The following AGMO variants were observed in gnomAD, a reference collection of about 807,000 sequenced individuals.
AGMO encodes alkylglycerol monooxygenase, also known as glyceryl-ether monooxygenase.
AGMO carries 75 observed loss-of-function variants against 60.2 expected under a neutral mutation model. The ratio of observed to expected loss-of-function variants is 1.25; its 90% CI spans 1.03 to 1.51. The LOEUF is 1.51. AGMO is among the 40% of genes most tolerant of loss of function. The probability of loss-of-function intolerance (pLI) is 0.00; values close to 1 mark genes in which losing one functional copy is unlikely to be tolerated. For missense variants in AGMO, 763 were observed against 525.5 expected, an observed-to-expected ratio of 1.45 and a Z score of -4.42; for synonymous variants, 261 against 177.1, an observed-to-expected ratio of 1.47 and a Z score of -3.76.
intron 10 of AGMO, among the ~76,000 whole-genome samples, chr7:15,384,933 G>C (rs539774283): frequency 6.8e-6 from 1 of 146,842 alleles, no homozygotes; most frequent in African/African-American, 2.5e-5. Flanking sequence ...GATCCCCAAA[G>C]TGGCGATCCC....
At chr7:15,190,773 G>T in the AGMO span, among the ~76,000 whole-genome samples, 1 of 151,982 alleles carries the variant, frequency 6.6e-6, no homozygotes, top group Non-Finnish European at 1.5e-5. Context: ...AAGTAATTTG[G>T]ATTAACTGAT....
intron 12 of AGMO, among the ~76,000 whole-genome samples, chr7:15,249,974 C>A (rs1782884190): frequency 1.3e-5 from 2 of 152,126 alleles, no homozygotes; most frequent in Admixed American, 6.5e-5. Context: ...GATAAACAGT[C>A]TTTTCACAAG....
At chr7:15,160,714 T>A in the AGMO span, among the ~76,000 whole-genome samples, 4 of 152,206 alleles carry the variant, frequency 2.6e-5, no homozygotes, top group African/African-American at 9.6e-5. Context: ...CCTACTTTGA[T>A]GGTTAATTTC....
intron 12 of AGMO, among the ~76,000 whole-genome samples, chr7:15,354,830 A>G (rs927911638): frequency 8.6e-5 from 13 of 151,128 alleles, no homozygotes; most frequent in African/African-American, 3.1e-4. Flanking sequence ...ATTCACGAGA[A>G]TTTGTTTTCT....
At chr7:15,247,792 T>C (rs933831551) in intron 12 of AGMO, among the ~76,000 whole-genome samples, 4 of 152,008 alleles carry the variant, frequency 2.6e-5, no homozygotes, top group Non-Finnish European at 5.9e-5. Flanking sequence ...AATTTCCATA[T>C]ACACCAAACC....
At chr7:15,444,718 T>G (rs1195400242) in intron 3 of AGMO, among the ~76,000 whole-genome samples, 3 of 152,176 alleles carry the variant, frequency 2.0e-5, no homozygotes, top group African/African-American at 7.2e-5. Flanking sequence ...ACTCTGCTGG[T>G]TTTTCATGGT....
At chr7:15,366,098 A>G (rs1324303736) in intron 11 of AGMO, 42 bp downstream of exon 11, 1 of 1,476,538 alleles carries the variant, frequency 6.8e-7, no homozygotes, top group South Asian at 1.2e-5. Context: ...AAATTCTTGA[A>G]TTGAGTAAAA....
intron 3 of AGMO, among the ~76,000 whole-genome samples, chr7:15,444,774 T>G (rs1036436111): frequency 6.6e-6 from 1 of 152,210 alleles, no homozygotes; most frequent in Non-Finnish European, 1.5e-5. Context: ...ATCCAAAAGT[T>G]GATGGCTCCC....
At chr7:15,490,672 C>A (rs1783046311) in intron 3 of AGMO, among the ~76,000 whole-genome samples, 1 of 151,998 alleles carries the variant, frequency 6.6e-6, no homozygotes, top group African/African-American at 2.4e-5. Context: ...CTGCAAGGAA[C>A]ATTTTAGTAA....
chr7:15,153,576 C>A, the AGMO span, among the ~76,000 whole-genome samples: 3 of 152,144 alleles, frequency 2.0e-5, no homozygotes, highest in African/African-American at 7.2e-5. Context: ...TCAATTATCC[C>A]AGCACCATTT....
chr7:15,158,418 CT>C, the AGMO span, among the ~76,000 whole-genome samples: 1 of 152,088 alleles, frequency 6.6e-6, no homozygotes, highest in Non-Finnish European at 1.5e-5. Flanking sequence ...CAGGGAAACA[CT>C]TTTTAAAAGG....
the AGMO span, among the ~76,000 whole-genome samples, chr7:15,177,973 C>G: frequency 6.6e-6 from 1 of 151,936 alleles, no homozygotes; most frequent in Non-Finnish European, 1.5e-5. Context: ...ATTATATATC[C>G]CAATAAATAG....
intron 4 of AGMO, among the ~76,000 whole-genome samples, chr7:15,430,300 G>A (rs556769479): frequency 3.4e-4 from 51 of 151,752 alleles, no homozygotes; most frequent in African/African-American, 1.0e-3. Context: ...CTGATTTTAC[G>A]CATCAGTTAC....
intron 12 of AGMO, among the ~76,000 whole-genome samples, chr7:15,295,963 A>G (rs951523485): frequency 1.9e-4 from 29 of 152,190 alleles, no homozygotes; most frequent in African/African-American, 6.8e-4. Flanking sequence ...AAGACCTATA[A>G]ATACATGGAA....
At chr7:15,158,821 G>A in the AGMO span, among the ~76,000 whole-genome samples, 1 of 152,110 alleles carries the variant, frequency 6.6e-6, no homozygotes, top group Non-Finnish European at 1.5e-5. Context: ...ACTTAGGACA[G>A]TGTTTTAATC....
chr7:15,332,003 C>T (rs186402463), intron 12 of AGMO, among the ~76,000 whole-genome samples: 16 of 152,122 alleles, frequency 1.1e-4, no homozygotes, highest in African/African-American at 3.9e-4. Flanking sequence ...CCCAAAACCT[C>T]CAATGGGCAA....
At chr7:15,468,707 T>C (rs891570299) in intron 3 of AGMO, among the ~76,000 whole-genome samples, 126 of 152,226 alleles carry the variant, frequency 8.3e-4, no homozygotes, top group African/African-American at 2.8e-3. Flanking sequence ...AATACATATG[T>C]GTATATGTGT....
At chr7:15,301,872 T>C (rs920462340) in intron 12 of AGMO, among the ~76,000 whole-genome samples, 8 of 152,072 alleles carry the variant, frequency 5.3e-5, no homozygotes, top group African/African-American at 1.9e-4. Flanking sequence ...CAAGAAGGGC[T>C]CAAGAAGGCA....
intron 12 of AGMO, among the ~76,000 whole-genome samples, chr7:15,314,171 C>T (rs530780052): frequency 4.0e-4 from 61 of 151,982 alleles, no homozygotes; most frequent in Middle Eastern, 3.4e-3. Flanking sequence ...GATTTACATC[C>T]GGGGTGAGAC....
Sources: gnomAD v4.1 joint callset for allele counts (sites outside exome capture counted in the v4.1 genomes callset) on GRCh38, gnomAD v4.1.1 for gene constraint, MANE v1.5 for transcripts, NCBI Gene and HGNC (gene_info 2026-07-23, HGNC 2026-07-21) for gene names.